Variants in USP25 observed in about 807,000 individuals in gnomAD.
USP25 encodes the protein ubiquitin specific peptidase 25, also known as ubiquitin carboxyl-terminal hydrolase 25.
Under a neutral mutation model 158.5 loss-of-function variants are expected in USP25, and 85 were observed. That is an observed-to-expected ratio of 0.54 (90% confidence interval 0.45 to 0.64). The LOEUF is 0.64. Ranked by LOEUF, USP25 falls within the 30% of genes least tolerant of loss-of-function variation. The pLI, the probability that USP25 is intolerant of heterozygous loss-of-function variation, is 0.00. For synonymous variants in USP25, 464 were observed against 460.4 expected, an observed-to-expected ratio of 1.01 and a Z score of -0.10; for missense variants, 1,242 against 1,327.3, an observed-to-expected ratio of 0.94 and a Z score of 1.00.
At chr21:15,859,969 G>GTATA (rs1407045662) in intron 20 of USP25, among the ~76,000 whole-genome samples, 135 of 138,474 alleles carry the variant, frequency 9.7e-4, no homozygotes, top group African/African-American at 3.2e-3. Flanking sequence ...ATATATATAT[G>GTATA]TATATATATA....
chr21:15,787,801 C>A (rs1042574774), intron 4 of USP25, among the ~76,000 whole-genome samples: 2 of 151,222 alleles, frequency 1.3e-5, no homozygotes, highest in East Asian at 3.9e-4. Flanking sequence ...TGTAATACTT[C>A]CCAAAAAGGG....
intron 20 of USP25, among the ~76,000 whole-genome samples, chr21:15,856,820 A>G (rs918356727): frequency 2.0e-5 from 3 of 152,114 alleles, no homozygotes; most frequent in African/African-American, 7.2e-5. Flanking sequence ...TTTCATGTAT[A>G]TGTAATTATT....
chr21:15,740,854 T>C (rs759304739), intron 1 of USP25, among the ~76,000 whole-genome samples: 22 of 152,006 alleles, frequency 1.4e-4, no homozygotes, highest in Admixed American at 6.6e-5. Context: ...TCCTCATTCA[T>C]ACTGTCCCTC....
At chr21:15,804,500 CAA>C (rs1214346719) in intron 6 of USP25, among the ~76,000 whole-genome samples, 6 of 151,362 alleles carry the variant, frequency 4.0e-5, no homozygotes, top group African/African-American at 9.7e-5. Context: ...AATATAAAAA[CAA>C]ATATTAAATT....
At position 15,870,066 on chromosome 21, in the gene USP25, A is replaced by C; in HGVS notation, c.2806-2A>C. On this transcript the variant is annotated splice_acceptor_variant, in intron 22 of 25. Transcript: ENST00000400183. LOFTEE classifies it high-confidence loss of function. ...ATTTTTAATATTTTCTTTCACCTACAGGAGTGGCATCAGGATTATAGGAAA... is the reference window on the plus strand; with the variant it reads ...ATTTTTAATATTTTCTTTCACCTACCGGAGTGGCATCAGGATTATAGGAAA... 6.2e-7 allele frequency: 1 copy of C among 1,600,126 alleles called. No individual in the cohort carries two copies. The highest frequency in any genetic ancestry group is 8.5e-7 in the Non-Finnish European group (1 of 1,172,898).
intron 1 of USP25, among the ~76,000 whole-genome samples, chr21:15,757,485 T>G (rs2033454604): frequency 6.6e-6 from 1 of 152,200 alleles, no homozygotes; most frequent in African/African-American, 2.4e-5. Context: ...TTCAAAGACC[T>G]TGCTCTTCTC....
chr21:15,820,754 C>A (rs1176107529), intron 10 of USP25, among the ~76,000 whole-genome samples: 1 of 151,908 alleles, frequency 6.6e-6, no homozygotes, highest in Non-Finnish European at 1.5e-5. Context: ...GGCATAATCC[C>A]TGATAACAAT....
chr21:15,809,641 G>C (rs9977000), intron 8 of USP25, among the ~76,000 whole-genome samples: 1 of 151,962 alleles, frequency 6.6e-6, no homozygotes, highest in Non-Finnish European at 1.5e-5. Context: ...CAGCAATTCT[G>C]CTTCTTGGTG....
At position 15,808,062 on chromosome 21, in the gene USP25, TTG is replaced by T. The variant is rs142255565; in HGVS notation, c.781-746_781-745del. Among the ~76,000 whole-genome samples, 359 of 152,324 alleles carry T rather than the reference TTG, an allele frequency of 2.4e-3. 4 individuals carry two copies. Among genetic ancestry groups the T allele is most frequent in the African/African-American group, 8.3e-3 (347 of 41,580 alleles). On this transcript the variant is annotated intron_variant, in intron 7 of 25. Coordinates refer to ENST00000400183, the MANE Select transcript of USP25 (RefSeq NM_001283041.3). The stretch of plus-strand genomic sequence containing the variant: ...ATATGATAGTAAGTTTGTTTTGTAT[TTG>T]GGGCTATTTTGGTAAGTAAGGACAA...
intron 6 of USP25, among the ~76,000 whole-genome samples, chr21:15,804,350 A>G (rs186005118): frequency 5.5e-4 from 83 of 151,668 alleles, no homozygotes; most frequent in Non-Finnish European, 1.1e-3. Context: ...TTAGTCTCCT[A>G]TTAGGATCTG....
intron 1 of USP25, among the ~76,000 whole-genome samples, chr21:15,751,325 A>G (rs535968836): frequency 6.6e-6 from 1 of 152,190 alleles, no homozygotes; most frequent in East Asian, 1.9e-4. Context: ...AGACCATAGG[A>G]CATATTATAT....
chr21:15,812,194 TG>T lies in USP25; in HGVS notation c.931+987del, dbSNP rs1457849531. ...AATATTTTACATAGTACATTTACGT[TG>T]GGTCATTCATCTTAATCATTCTGAT... On this transcript the variant is annotated intron_variant, in intron 9 of 25. Transcript: ENST00000400183. Among the ~76,000 whole-genome samples the T allele has an allele frequency of 5.9e-5, 9 of 151,652 alleles. No individual in the cohort carries two copies. The East Asian group carries it at 1.5e-3, about 26-fold the overall frequency.
intron 20 of USP25, among the ~76,000 whole-genome samples, chr21:15,853,844 G>A (rs1331121867): frequency 6.6e-6 from 1 of 152,026 alleles, no homozygotes; most frequent in Admixed American, 6.5e-5. Flanking sequence ...TGTTCTGTTA[G>A]TTAGAACTCA....
intron 4 of USP25, among the ~76,000 whole-genome samples, chr21:15,783,793 TAAA>T (rs34055394): frequency 6.5e-5 from 8 of 122,194 alleles, no homozygotes; most frequent in Non-Finnish European, 5.4e-5. Flanking sequence ...CCGTCTGTAC[TAAA>T]AAAAAAAAAA....
At chr21:15,764,791 A>G (rs1019846679) in intron 2 of USP25, among the ~76,000 whole-genome samples, 2 of 152,132 alleles carry the variant, frequency 1.3e-5, no homozygotes, top group African/African-American at 2.4e-5. Flanking sequence ...GGAATCGTCT[A>G]ATGATCATGA....
At chr21:15,741,288 CTT>C (rs35427982) in intron 1 of USP25, among the ~76,000 whole-genome samples, 12 of 139,752 alleles carry the variant, frequency 8.6e-5, no homozygotes, top group East Asian at 2.1e-4. Context: ...TTTTGATGTA[CTT>C]TTTTTTTTTT....
intron 8 of USP25, among the ~76,000 whole-genome samples, chr21:15,809,548 G>A (rs1000242416): frequency 1.3e-5 from 2 of 152,150 alleles, no homozygotes; most frequent in Admixed American, 6.5e-5. Flanking sequence ...TGCAGTGTTG[G>A]TGAGGATATG....
At chr21:15,790,729 A>G (rs1424497445) in intron 4 of USP25, among the ~76,000 whole-genome samples, 2 of 149,890 alleles carry the variant, frequency 1.3e-5, no homozygotes, top group Non-Finnish European at 3.0e-5. Flanking sequence ...GTTAGATCCT[A>G]TGTGGGAACC....
chr21:15,851,120 A>G (rs1568889300), intron 20 of USP25, among the ~76,000 whole-genome samples: 2 of 152,020 alleles, frequency 1.3e-5, no homozygotes, highest in Non-Finnish European at 2.9e-5. Context: ...TTTTCTTAAA[A>G]AAAAAACACT....
Sources: allele counts gnomAD v4.1 joint callset (sites outside exome capture counted in the v4.1 genomes callset), GRCh38; gene constraint gnomAD v4.1.1; transcripts MANE v1.5; gene names NCBI Gene and HGNC (gene_info 2026-07-23, HGNC 2026-07-21).